Variants in AGBL1 observed in about 807,000 individuals in gnomAD.
The protein encoded by AGBL1 is cytosolic carboxypeptidase 4.
AGBL1 carries 130 observed loss-of-function variants against 118.9 expected under a neutral mutation model. The observed-to-expected ratio is 1.09, with a 90% CI of 0.95 to 1.26. The LOEUF (loss-of-function observed/expected upper bound fraction) is 1.26. AGBL1 is among the 50% of genes most tolerant of loss of function. AGBL1 has a pLI of 0.00. For synonymous variants in AGBL1, 555 were observed against 478.9 expected, an observed-to-expected ratio of 1.16 and a Z score of -2.08; for missense variants, 1,584 against 1,298.1, an observed-to-expected ratio of 1.22 and a Z score of -3.38.
intron 21 of AGBL1, among the ~76,000 whole-genome samples, chr15:86,665,375 A>G (rs2085626568): frequency 2.2e-5 from 2 of 92,934 alleles, no homozygotes; most frequent in South Asian, 3.9e-4. Flanking sequence ...CATTTTGCCA[A>G]TGATAGAATG....
chr15:86,555,224 G>A (rs888298443), intron 21 of AGBL1, among the ~76,000 whole-genome samples: 1 of 152,208 alleles, frequency 6.6e-6, no homozygotes, highest in Non-Finnish European at 1.5e-5. Context: ...AGGACATTTT[G>A]ACAGTGCCAG....
At chr15:86,286,737 A>ATGTG (rs1224839539) in intron 16 of AGBL1, among the ~76,000 whole-genome samples, 3 of 76,368 alleles carry the variant, frequency 3.9e-5, no homozygotes, top group African/African-American at 1.8e-4. Context: ...TTGTGTGTGT[A>ATGTG]TATATATATA....
intron 22 of AGBL1, among the ~76,000 whole-genome samples, chr15:86,905,581 TCACAGAATACTCTGCTAGA>T (rs1209960375): frequency 6.6e-6 from 1 of 152,262 alleles, no homozygotes; most frequent in African/African-American, 2.4e-5. Flanking sequence ...TGCCTTTATT[TCACAGAATACTCTGCTAGA>T]CAATATCCAT....
At chr15:86,787,142 C>T (rs1567173905) in intron 22 of AGBL1, among the ~76,000 whole-genome samples, 2 of 151,960 alleles carry the variant, frequency 1.3e-5, no homozygotes, top group African/African-American at 4.8e-5. Context: ...ATATTTAATA[C>T]ATAATGTTTA....
At chr15:86,611,321 G>C (rs569355415) in intron 21 of AGBL1, among the ~76,000 whole-genome samples, 2 of 152,146 alleles carry the variant, frequency 1.3e-5, no homozygotes, top group Non-Finnish European at 2.9e-5. Context: ...GCATATTTGC[G>C]ATGTGCAGCC....
At chr15:86,150,654 G>C (rs562750874) in intron 3 of AGBL1, among the ~76,000 whole-genome samples, 3 of 152,136 alleles carry the variant, frequency 2.0e-5, no homozygotes, top group African/African-American at 7.2e-5. Flanking sequence ...AAAAAGTCCA[G>C]GTCCAGATGG....
intron 22 of AGBL1, among the ~76,000 whole-genome samples, chr15:86,846,691 C>A (rs1472925130): frequency 6.6e-6 from 1 of 152,116 alleles, no homozygotes; most frequent in African/African-American, 2.4e-5. Flanking sequence ...GCCATCATAC[C>A]TGGCAAATTT....
intron 20 of AGBL1, among the ~76,000 whole-genome samples, chr15:86,546,769 A>G (rs1191524417): frequency 6.6e-6 from 1 of 152,202 alleles, no homozygotes; most frequent in Non-Finnish European, 1.5e-5. Context: ...GGGGTAAAGA[A>G]GGGAGTACTT....
At chr15:86,506,048 G>A (rs1480365100) in intron 18 of AGBL1, among the ~76,000 whole-genome samples, 2 of 152,022 alleles carry the variant, frequency 1.3e-5, no homozygotes, top group South Asian at 4.1e-4. Context: ...ATTAGACAGA[G>A]TTTCTTAGTA....
intron 18 of AGBL1, among the ~76,000 whole-genome samples, chr15:86,489,012 A>G (rs2082746657): frequency 6.6e-6 from 1 of 151,990 alleles, no homozygotes. Context: ...TTGTTCCCTT[A>G]TCCTGAGGTA....
chr15:86,588,362 C>G (rs2084283533), intron 21 of AGBL1, among the ~76,000 whole-genome samples: 1 of 152,142 alleles, frequency 6.6e-6, no homozygotes, highest in Admixed American at 6.5e-5. Context: ...GAGGATTCAG[C>G]CAGTAGTAAT....
chr15:86,134,585 T>C (rs912380770), intron 1 of AGBL1, among the ~76,000 whole-genome samples: 1 of 150,116 alleles, frequency 6.7e-6, no homozygotes, highest in South Asian at 2.1e-4. Context: ...ACTTTAAGAC[T>C]GTGATGGATC....
At chr15:86,803,825 CA>C (rs1391224276) in intron 22 of AGBL1, among the ~76,000 whole-genome samples, 1 of 152,056 alleles carries the variant, frequency 6.6e-6, no homozygotes, top group African/African-American at 2.4e-5. Context: ...CAACTTGGGG[CA>C]GGGGTGGAGG....
At chr15:86,458,564 AAC>A (rs1316935877) in intron 18 of AGBL1, among the ~76,000 whole-genome samples, 10 of 152,216 alleles carry the variant, frequency 6.6e-5, no homozygotes, top group Non-Finnish European at 1.3e-4. Flanking sequence ...AGCTTACACT[AAC>A]ACCATTTGTC....
At chr15:86,357,145 C>T (rs1266097188) in intron 17 of AGBL1, among the ~76,000 whole-genome samples, 3 of 152,064 alleles carry the variant, frequency 2.0e-5, no homozygotes, top group Non-Finnish European at 4.4e-5. Context: ...AACAGGGAGT[C>T]ATGTATGTAA....
At chr15:87,014,757 A>AGGCT in intron 24 of AGBL1, among the ~76,000 whole-genome samples, 2 of 152,168 alleles carry the variant, frequency 1.3e-5, no homozygotes. Context: ...GTGGGGGAAT[A>AGGCT]CCTGAACAAG....
At chr15:86,501,762 T>C (rs2082919435) in intron 18 of AGBL1, among the ~76,000 whole-genome samples, 1 of 151,586 alleles carries the variant, frequency 6.6e-6, no homozygotes, top group Non-Finnish European at 1.5e-5. Flanking sequence ...ATCAATAATA[T>C]ATGGGTTTAT....
At chr15:86,923,312 A>G (rs1403459273) in intron 23 of AGBL1, among the ~76,000 whole-genome samples, 1 of 152,176 alleles carries the variant, frequency 6.6e-6, no homozygotes, top group East Asian at 1.9e-4. Context: ...AGCCTCTACA[A>G]TTTAGCTCAC....
At chr15:86,356,299 G>T (rs1050802883) in intron 17 of AGBL1, among the ~76,000 whole-genome samples, 2 of 152,018 alleles carry the variant, frequency 1.3e-5, no homozygotes, top group East Asian at 3.9e-4. Flanking sequence ...GAATAACTTA[G>T]AAAAAGCTAT....
Sources: allele counts gnomAD v4.1 joint callset (sites outside exome capture counted in the v4.1 genomes callset), GRCh38; gene constraint gnomAD v4.1.1; transcripts MANE v1.5; gene names NCBI Gene and HGNC (gene_info 2026-07-23, HGNC 2026-07-21).